The following ESRRG variants were observed in gnomAD, a reference collection of about 807,000 sequenced individuals.
ESRRG encodes estrogen-related receptor gamma.
ESRRG carries 13 observed loss-of-function variants against 44.0 expected under a neutral mutation model. That is an observed-to-expected ratio of 0.30 (90% confidence interval 0.19 to 0.47). The LOEUF is 0.47. Ranked by LOEUF, ESRRG falls within the 20% of genes least tolerant of loss-of-function variation. ESRRG has a pLI of 1.00. For missense variants in ESRRG, 395 were observed against 580.6 expected (o/e 0.68, Z 3.29); for synonymous variants, 215 against 214.6 (o/e 1.00, Z -0.02).
intron 6 of ESRRG, among the ~76,000 whole-genome samples, chr1:216,511,513 T>C (rs1342307895): frequency 1.1e-4 from 9 of 84,398 alleles, no homozygotes; most frequent in Non-Finnish European, 2.6e-4. Flanking sequence ...ACAGAAAAAC[T>C]AGGTGACAGG....
intron 3 of ESRRG, among the ~76,000 whole-genome samples, chr1:216,630,818 C>G (rs1189967157): frequency 6.6e-6 from 1 of 152,012 alleles, no homozygotes; most frequent in Non-Finnish European, 1.5e-5. Flanking sequence ...AGTGTGACGT[C>G]CACTGCAAAG....
chr1:216,724,450 C>T (rs184219159), upstream of ESRRG, among the ~76,000 whole-genome samples: 2 of 150,536 alleles, frequency 1.3e-5, no homozygotes, highest in Admixed American at 1.3e-4. Context: ...TACAAGCTTC[C>T]AAACTAGGAG....
chr1:216,797,379 G>C (rs1040453105), intron 2 of ESRRG, among the ~76,000 whole-genome samples: 5 of 152,024 alleles, frequency 3.3e-5, no homozygotes, highest in Admixed American at 3.3e-4. Flanking sequence ...AACTCCTTAG[G>C]CTTCTCCTGA....
At chr1:216,632,780 C>T (rs2064485164) in intron 3 of ESRRG, among the ~76,000 whole-genome samples, 1 of 151,582 alleles carries the variant, frequency 6.6e-6, no homozygotes. Context: ...TGGGGAGGTT[C>T]CCCAATATGT....
At chr1:216,985,554 G>T (rs1018919644) in intron 1 of ESRRG, among the ~76,000 whole-genome samples, 2 of 152,040 alleles carry the variant, frequency 1.3e-5, no homozygotes, top group African/African-American at 2.4e-5. Flanking sequence ...TTTATTTTCA[G>T]TTAGGAAGTT....
At chr1:216,873,209 G>GTC (rs1553667115) in intron 2 of ESRRG, among the ~76,000 whole-genome samples, 1 of 105,948 alleles carries the variant, frequency 9.4e-6, no homozygotes, top group East Asian at 2.8e-4. Flanking sequence ...CATCTTTTCA[G>GTC]TTTTTTTTTT....
At chr1:216,792,177 C>T (rs570601333) in intron 2 of ESRRG, among the ~76,000 whole-genome samples, 190 of 152,172 alleles carry the variant, frequency 1.2e-3, no homozygotes, top group Non-Finnish European at 2.3e-3. Context: ...TAACAAGAAG[C>T]ATGTGGTCAG....
chr1:216,906,947 T>C (rs1446344705), intron 2 of ESRRG, among the ~76,000 whole-genome samples: 2 of 152,224 alleles, frequency 1.3e-5, no homozygotes, highest in African/African-American at 4.8e-5. Flanking sequence ...TTTTTGTATA[T>C]ATTGATAACT....
intron 1 of ESRRG, chr1:216,715,318 A>C: frequency 1.4e-5 from 12 of 836,830 alleles, no homozygotes; most frequent in Non-Finnish European, 1.3e-5. Flanking sequence ...TCACTTTCTC[A>C]TAGGAAAAAG....
intron 5 of ESRRG, among the ~76,000 whole-genome samples, chr1:216,549,710 A>G (rs960801066): frequency 6.6e-6 from 1 of 152,148 alleles, no homozygotes; most frequent in Non-Finnish European, 1.5e-5. Context: ...AAAAGAATAC[A>G]TTGCCCACAC....
chr1:217,001,892 G>A (rs530223042), intron 1 of ESRRG, among the ~76,000 whole-genome samples: 2 of 152,186 alleles, frequency 1.3e-5, no homozygotes, highest in East Asian at 1.9e-4. Flanking sequence ...TACATCAAAA[G>A]TGAAAGGCCA....
chr1:216,827,357 T>A (rs1157439928), intron 2 of ESRRG, among the ~76,000 whole-genome samples: 3 of 152,212 alleles, frequency 2.0e-5, no homozygotes, highest in African/African-American at 7.2e-5. Flanking sequence ...GATCCATAGT[T>A]ACACTGTATT....
chr1:216,605,385 A>C (rs1573968526), intron 3 of ESRRG, among the ~76,000 whole-genome samples: 1 of 151,774 alleles, frequency 6.6e-6, no homozygotes, highest in East Asian at 1.9e-4. Flanking sequence ...CTATTAAAAA[A>C]AAACAAAGTG....
intron 2 of ESRRG, among the ~76,000 whole-genome samples, chr1:216,866,535 A>T (rs149036766): frequency 1.3e-5 from 2 of 151,514 alleles, no homozygotes; most frequent in East Asian, 3.9e-4. Flanking sequence ...ATATCTCATG[A>T]TATCTTTATC....
intron 3 of ESRRG, among the ~76,000 whole-genome samples, chr1:216,650,035 A>G (rs1191755235): frequency 6.6e-6 from 1 of 152,212 alleles, no homozygotes; most frequent in African/African-American, 2.4e-5. Context: ...CAGAAGTTAC[A>G]CATTTAAATA....
At chr1:216,630,056 C>G (rs568392903) in intron 3 of ESRRG, among the ~76,000 whole-genome samples, 1 of 152,136 alleles carries the variant, frequency 6.6e-6, no homozygotes, top group African/African-American at 2.4e-5. Flanking sequence ...TTAAGTAAAA[C>G]CCTGGTGAAG....
intron 2 of ESRRG, among the ~76,000 whole-genome samples, chr1:216,817,140 C>G (rs552688080): frequency 6.6e-6 from 1 of 151,898 alleles, no homozygotes; most frequent in African/African-American, 2.4e-5. Context: ...AAAACTTACC[C>G]TAAACACACA....
Position 216,673,243 on chromosome 1 carries a change from G to T in ESRRG, c.472+3833C>A, listed in dbSNP as rs559055989. ...TTGGAGTTCAACTGCTATCACTACC[G>T]TATTTGGCCACAGAAAGGAGGGGCC... On this transcript the variant is annotated intron_variant, in intron 2 of 6. Coordinates refer to ENST00000408911, the MANE Select transcript of ESRRG (RefSeq NM_001438.4). Among the ~76,000 whole-genome samples the T allele has an allele frequency of 2.9e-4, 44 of 152,290 alleles. No homozygotes were observed. In the South Asian group the frequency reaches 9.1e-3, roughly 32 times the overall value.
At chr1:217,020,202 G>A (rs1341394824) in intron 1 of ESRRG, among the ~76,000 whole-genome samples, 4 of 152,104 alleles carry the variant, frequency 2.6e-5, no homozygotes, top group African/African-American at 9.7e-5. Flanking sequence ...CAGTGACAAT[G>A]AATTAATCAC....
Sources: gnomAD v4.1 joint callset for allele counts (sites outside exome capture counted in the v4.1 genomes callset) on GRCh38, gnomAD v4.1.1 for gene constraint, MANE v1.5 for transcripts, NCBI Gene and HGNC (gene_info 2026-07-23, HGNC 2026-07-21) for gene names.